PHLPP1: variants seen among roughly 807,000 people sequenced by gnomAD.
PHLPP1 encodes PH domain and leucine rich repeat protein phosphatase 1.
In PHLPP1, 42 loss-of-function variants were observed where a neutral mutation model predicts 117.2. The observed-to-expected ratio is 0.36, with a 90% CI of 0.28 to 0.46. PHLPP1 has a LOEUF of 0.46. Among genes scored for constraint, PHLPP1 ranks in the 20% least tolerant of loss-of-function variants. PHLPP1 has a pLI of 1.00. For missense variants in PHLPP1, 2,084 were observed against 2,241.9 expected, an observed-to-expected ratio of 0.93 and a Z score of 1.42; for synonymous variants, 1,042 against 970.7, an observed-to-expected ratio of 1.07 and a Z score of -1.37.
chr18:62,737,624 G>A (rs1334315764), intron 1 of PHLPP1, among the ~76,000 whole-genome samples: 2 of 152,210 alleles, frequency 1.3e-5, no homozygotes, highest in African/African-American at 4.8e-5. Context: ...AGCATGCAGT[G>A]CTGCTTGGAA....
At chr18:62,740,518 A>G (rs1911493798) in intron 1 of PHLPP1, among the ~76,000 whole-genome samples, 1 of 152,244 alleles carries the variant, frequency 6.6e-6, no homozygotes, top group African/African-American at 2.4e-5. Flanking sequence ...CAATTAATAA[A>G]TAATAAACAC....
rs1267697802 is a variant in PHLPP1, at chr18:62,978,097, CACATTAACT to C, written c.3985-162_3985-154del. On this transcript the variant is annotated intron_variant, in intron 16 of 16. Coordinates refer to ENST00000262719, the MANE Select transcript of PHLPP1 (RefSeq NM_194449.4). This position sits in a 1 kb window ranked among gnomAD's most constrained non-coding sequence, Gnocchi z 7.0. The stretch of plus-strand genomic sequence containing the variant: ...TACCTGGGGTTTCTGATGACAGGTG[CACATTAACT>C]ACTCACTACAGAGTGAGCCCTTCTT... Among the ~76,000 whole-genome samples the C allele has an allele frequency of 2.6e-5, 4 of 152,236 alleles. No homozygotes were observed. Among genetic ancestry groups the C allele is most frequent in the African/African-American group, 9.6e-5 (4 of 41,516 alleles).
At chr18:62,969,120 T>C (rs1910983405) in intron 14 of PHLPP1, among the ~76,000 whole-genome samples, 2 of 152,276 alleles carry the variant, frequency 1.3e-5, no homozygotes, top group African/African-American at 4.8e-5. Flanking sequence ...TTGCCCAGGC[T>C]GATCTTAAAC....
chr18:62,969,803 G>A (rs1020638296), intron 14 of PHLPP1, among the ~76,000 whole-genome samples: 3 of 152,224 alleles, frequency 2.0e-5, no homozygotes, highest in Admixed American at 1.3e-4. Context: ...TTTGATTAAT[G>A]TTAGCATGGT....
At chr18:62,969,445 C>T (rs373131254) in intron 14 of PHLPP1, among the ~76,000 whole-genome samples, 1 of 152,018 alleles carries the variant, frequency 6.6e-6, no homozygotes, top group Non-Finnish European at 1.5e-5. Flanking sequence ...CAGAATCTTA[C>T]CTATCTTGGT....
chr18:62,830,339 C>A, intron 2 of PHLPP1, 108 bp downstream of exon 2: 1 of 828,928 alleles, frequency 1.2e-6, no homozygotes, highest in South Asian at 1.8e-5. Flanking sequence ...CTCCTGAGTT[C>A]AAGCGATTCT....
chr18:62,856,967 A>T (rs538773952), intron 3 of PHLPP1, among the ~76,000 whole-genome samples: 1 of 151,890 alleles, frequency 6.6e-6, no homozygotes, highest in Non-Finnish European at 1.5e-5. Context: ...CAATTTTTTT[A>T]ACATATAATT....
At chr18:62,874,764 T>G (rs528993866) in intron 4 of PHLPP1, among the ~76,000 whole-genome samples, 1 of 152,168 alleles carries the variant, frequency 6.6e-6, no homozygotes, top group African/African-American at 2.4e-5. Context: ...TGTGCACAGC[T>G]TTAGGATGTG....
intron 3 of PHLPP1, among the ~76,000 whole-genome samples, chr18:62,858,902 A>T (rs1045685679): frequency 1.3e-5 from 2 of 152,336 alleles, no homozygotes; most frequent in Non-Finnish European, 2.9e-5. Flanking sequence ...TGTGCCAGGC[A>T]TGTAGAAGTA....
intron 1 of PHLPP1, among the ~76,000 whole-genome samples, chr18:62,813,467 C>T (rs761162004): frequency 5.9e-5 from 9 of 152,188 alleles, no homozygotes; most frequent in Non-Finnish European, 1.3e-4. Flanking sequence ...AAAGTTTGGG[C>T]AGCACCTGAT....
intron 1 of PHLPP1, among the ~76,000 whole-genome samples, chr18:62,801,007 C>G (rs1241007571): frequency 5.0e-5 from 5 of 99,976 alleles, no homozygotes; most frequent in Non-Finnish European, 8.1e-5. Flanking sequence ...TTCCTTGCTT[C>G]CTTCCCTCCC....
At chr18:62,770,597 T>G (rs1912729415) in intron 1 of PHLPP1, among the ~76,000 whole-genome samples, 1 of 152,206 alleles carries the variant, frequency 6.6e-6, no homozygotes, top group African/African-American at 2.4e-5. Flanking sequence ...AATATATTGG[T>G]GATGCATCGG....
intron 6 of PHLPP1, among the ~76,000 whole-genome samples, chr18:62,896,546 C>T (rs767273092): frequency 6.6e-6 from 1 of 152,070 alleles, no homozygotes; most frequent in Non-Finnish European, 1.5e-5. Flanking sequence ...CCACCCGCCT[C>T]GGCCTCCCAA....
intron 1 of PHLPP1, among the ~76,000 whole-genome samples, chr18:62,796,020 T>C (rs1381277392): frequency 1.3e-5 from 2 of 152,214 alleles, no homozygotes; most frequent in African/African-American, 4.8e-5. Context: ...TTGTCATTCT[T>C]TGAAAGGTTA....
rs986180175 is a variant in PHLPP1 at position 62,979,535 on chromosome 18, A to C, written c.*104A>C. 11 of 1,285,370 alleles carry C rather than the reference A, an allele frequency of 8.6e-6. No homozygotes were observed. The African/African-American group carries it at 1.5e-4, about 18-fold the overall frequency. 79.6% of individuals were successfully genotyped at this position (1,285,370 alleles called of 1,614,324 possible). ...GGGTTTTACTCCACATCCTTCCCCC[A>C]GACACTGTTCCCAACCTGTCATCGC... On this transcript the variant is annotated 3_prime_UTR_variant, in exon 17 of 17. Transcript: ENST00000262719.
intron 1 of PHLPP1, among the ~76,000 whole-genome samples, chr18:62,739,710 A>G (rs1375948431): frequency 6.6e-6 from 1 of 152,190 alleles, no homozygotes; most frequent in Non-Finnish European, 1.5e-5. Context: ...AGTTAACCCT[A>G]GGTGGGAAGA....
intron 1 of PHLPP1, among the ~76,000 whole-genome samples, chr18:62,782,914 T>C (rs1360896850): frequency 6.6e-6 from 1 of 152,152 alleles, no homozygotes; most frequent in African/African-American, 2.4e-5. Flanking sequence ...TTTTTTGACA[T>C]CTGTTTGTGC....
At chr18:62,900,294 C>A (rs1373316024) in intron 6 of PHLPP1, among the ~76,000 whole-genome samples, 1 of 147,256 alleles carries the variant, frequency 6.8e-6, no homozygotes, top group Non-Finnish European at 1.5e-5. Context: ...AAGACTTTGC[C>A]TTAAAATAAT....
chr18:62,792,641 C>T (rs1384429788), intron 1 of PHLPP1, among the ~76,000 whole-genome samples: 1 of 151,792 alleles, frequency 6.6e-6, no homozygotes. Flanking sequence ...GAGTCTGAGA[C>T]GTGAGGATTG....
Sources: allele counts gnomAD v4.1 joint callset (sites outside exome capture counted in the v4.1 genomes callset), GRCh38; gene constraint gnomAD v4.1.1; non-coding constraint Gnocchi (gnomAD v3.1); transcripts MANE v1.5; gene names NCBI Gene and HGNC (gene_info 2026-07-23, HGNC 2026-07-21).